The following ROBO2 variants were observed in gnomAD, a reference collection of about 807,000 sequenced individuals.
ROBO2 encodes roundabout homolog 2.
A neutral mutation model predicts 160.8 loss-of-function variants in ROBO2; 53 were observed. The ratio of observed to expected loss-of-function variants is 0.33; its 90% confidence interval spans 0.26 to 0.41. ROBO2 has a LOEUF of 0.41. ROBO2 is among the 10% of genes least tolerant of loss of function. ROBO2 has a pLI of 1.00. For missense variants in ROBO2, 1,577 were observed against 1,722.4 expected (o/e 0.92, Z 1.49); for synonymous variants, 664 against 611.7 (o/e 1.09, Z -1.26).
chr3:76,964,888 A>G (rs1222636133), intron 2 of ROBO2, among the ~76,000 whole-genome samples: 2 of 152,208 alleles, frequency 1.3e-5, no homozygotes, highest in Admixed American at 1.3e-4. Context: ...TAAACTAGAA[A>G]TCAACTAGTT....
chr3:77,453,561 A>G (rs1055392901), intron 2 of ROBO2, among the ~76,000 whole-genome samples: 1 of 152,158 alleles, frequency 6.6e-6, no homozygotes, highest in Non-Finnish European at 1.5e-5. Context: ...ATGGAGCTTC[A>G]TATAACTTGA....
intron 2 of ROBO2, among the ~76,000 whole-genome samples, chr3:76,479,262 C>A (rs977774276): frequency 2.0e-5 from 3 of 152,090 alleles, no homozygotes; most frequent in African/African-American, 7.2e-5. Flanking sequence ...CAAAATGGTT[C>A]ATAAAATATT....
chr3:77,033,716 T>C (rs2063461703), intron 2 of ROBO2, among the ~76,000 whole-genome samples: 1 of 152,044 alleles, frequency 6.6e-6, no homozygotes, highest in African/African-American at 2.4e-5. Context: ...ATGAGTAATC[T>C]TAGAAAAATG....
intron 2 of ROBO2, among the ~76,000 whole-genome samples, chr3:77,218,890 G>A (rs62253261): frequency 0.028 from 4,245 of 152,236 alleles, 68 homozygotes; most frequent in Middle Eastern, 0.054. Flanking sequence ...CACATTGAAA[G>A]TATTTTATTA....
intron 2 of ROBO2, among the ~76,000 whole-genome samples, chr3:77,013,360 G>A (rs953700247): frequency 1.3e-5 from 2 of 152,044 alleles, no homozygotes; most frequent in African/African-American, 4.8e-5. Context: ...AATGGAAAAG[G>A]CATGATTTTG....
At chr3:77,185,947 A>G (rs772010089) in intron 2 of ROBO2, among the ~76,000 whole-genome samples, 9 of 151,996 alleles carry the variant, frequency 5.9e-5, no homozygotes, top group African/African-American at 1.7e-4. Context: ...CAGACATCGT[A>G]TGTTCTCACT....
chr3:76,640,602 T>A (rs922645060), intron 2 of ROBO2, among the ~76,000 whole-genome samples: 2 of 100,352 alleles, frequency 2.0e-5, no homozygotes, highest in South Asian at 4.9e-4. Context: ...TGTGAGTGTG[T>A]GTGTGTGTGT....
intron 2 of ROBO2, among the ~76,000 whole-genome samples, chr3:77,113,558 C>T (rs2073895738): frequency 6.6e-6 from 1 of 152,092 alleles, no homozygotes; most frequent in Admixed American, 6.6e-5. Flanking sequence ...ATGAAGTACC[C>T]AATGGCAATA....
At chr3:77,366,551 C>T (rs9823875) in intron 2 of ROBO2, among the ~76,000 whole-genome samples, 61,660 of 151,884 alleles carry the variant, frequency 0.41, 13,251 homozygotes, top group East Asian at 0.71. Context: ...TTCTAGGGTT[C>T]ATAAGTGTCT....
chr3:76,105,536 A>G (rs2069885854), intron 2 of ROBO2, among the ~76,000 whole-genome samples: 2 of 152,270 alleles, frequency 1.3e-5, no homozygotes, highest in South Asian at 4.1e-4. Flanking sequence ...CAGCTTAATA[A>G]AAACATTTTC....
intron 2 of ROBO2, among the ~76,000 whole-genome samples, chr3:75,981,598 T>A (rs965517833): frequency 6.6e-6 from 1 of 151,180 alleles, no homozygotes; most frequent in Non-Finnish European, 1.5e-5. Flanking sequence ...AATATAAAAT[T>A]ATTTAAATTG....
chr3:76,918,192 G>T (rs990730525), intron 2 of ROBO2, among the ~76,000 whole-genome samples: 2 of 152,216 alleles, frequency 1.3e-5, no homozygotes, highest in Non-Finnish European at 2.9e-5. Flanking sequence ...CATGTATCAA[G>T]GGTGGGACCA....
At chr3:77,161,014 G>A (rs923647671) in intron 2 of ROBO2, among the ~76,000 whole-genome samples, 2 of 152,086 alleles carry the variant, frequency 1.3e-5, no homozygotes, top group African/African-American at 2.4e-5. Flanking sequence ...GTGGTTAACT[G>A]GTTCCACAGA....
At chr3:76,898,462 A>G (rs981052573) in intron 2 of ROBO2, among the ~76,000 whole-genome samples, 3 of 152,138 alleles carry the variant, frequency 2.0e-5, no homozygotes, top group South Asian at 2.1e-4. Flanking sequence ...TTTAATACAC[A>G]TACACATAAA....
At chr3:76,917,956 C>T (rs541194909) in intron 2 of ROBO2, among the ~76,000 whole-genome samples, 2 of 152,146 alleles carry the variant, frequency 1.3e-5, no homozygotes, top group South Asian at 4.2e-4. Flanking sequence ...TCCCTATTAC[C>T]TATTTATTTT....
chr3:76,206,212 C>T (rs572152264), intron 2 of ROBO2, among the ~76,000 whole-genome samples: 3 of 152,170 alleles, frequency 2.0e-5, no homozygotes, highest in Admixed American at 2.0e-4. Flanking sequence ...CTCTCAGGGG[C>T]AGGTTTTACT....
intron 2 of ROBO2, among the ~76,000 whole-genome samples, chr3:77,272,516 T>G (rs2059566426): frequency 1.3e-5 from 2 of 151,974 alleles, no homozygotes; most frequent in Non-Finnish European, 2.9e-5. Flanking sequence ...TGCAATCACC[T>G]CCCACCAGGC....
chr3:76,841,489 G>A (rs6800409), intron 2 of ROBO2, among the ~76,000 whole-genome samples: 19,457 of 152,146 alleles, frequency 0.13, 1,404 homozygotes, highest in East Asian at 0.24. Context: ...ATGAGGGCTG[G>A]TACATTGCCC....
chr3:77,259,975 G>A (rs1416937051), intron 2 of ROBO2, among the ~76,000 whole-genome samples: 1 of 152,178 alleles, frequency 6.6e-6, no homozygotes, highest in Non-Finnish European at 1.5e-5. Context: ...GCTTTGCTGG[G>A]CTGTGGCACT....
Sources: allele counts gnomAD v4.1 joint callset (sites outside exome capture counted in the v4.1 genomes callset), GRCh38; gene constraint gnomAD v4.1.1; transcripts MANE v1.5; gene names NCBI Gene and HGNC (gene_info 2026-07-23, HGNC 2026-07-21).